CACNA2D1: variants seen among roughly 807,000 people sequenced by gnomAD.
The protein encoded by CACNA2D1 is calcium voltage-gated channel auxiliary subunit alpha2delta 1, also known as voltage-dependent calcium channel subunit alpha-2/delta-1.
In CACNA2D1, 53 loss-of-function variants were observed where a neutral mutation model predicts 171.5. That is an observed-to-expected ratio of 0.31 (90% CI 0.25 to 0.39). The LOEUF (loss-of-function observed/expected upper bound fraction) is 0.39, where lower values mean the gene tolerates loss of function less well. Among genes scored for constraint, CACNA2D1 ranks in the 10% least tolerant of loss-of-function variants. The pLI, the probability that CACNA2D1 is intolerant of heterozygous loss-of-function variation, is 1.00. For synonymous variants in CACNA2D1, 442 were observed against 443.1 expected, an observed-to-expected ratio of 1.00 and a Z score of 0.03; for missense variants, 903 against 1,299.8, an observed-to-expected ratio of 0.69 and a Z score of 4.69.
At chr7:81,968,781 T>C (rs916819441) in intron 29 of CACNA2D1, 106 bp downstream of exon 29, 1 of 733,540 alleles carries the variant, frequency 1.4e-6, no homozygotes, top group Non-Finnish European at 2.5e-6. Flanking sequence ...TTTATTTTGT[T>C]TGACACCTTT....
At chr7:82,321,898 G>A (rs1201586565) in intron 3 of CACNA2D1, among the ~76,000 whole-genome samples, 3 of 151,476 alleles carry the variant, frequency 2.0e-5, no homozygotes, top group East Asian at 1.9e-4. Context: ...AGGCCGAGGC[G>A]GGCGGATCAC....
chr7:82,160,850 A>T (rs1794877717), intron 4 of CACNA2D1, among the ~76,000 whole-genome samples: 2 of 152,218 alleles, frequency 1.3e-5, no homozygotes, highest in South Asian at 4.1e-4. Context: ...ACTGACTAAA[A>T]ATCTTATTTG....
intron 5 of CACNA2D1, 68 bp from the exon 6 acceptor site, chr7:82,117,241 T>C (rs1165470737): frequency 6.9e-7 from 1 of 1,452,562 alleles, no homozygotes; most frequent in African/African-American, 1.4e-5. Flanking sequence ...CATGCACTTC[T>C]TTACTTGCCA....
intron 1 of CACNA2D1, among the ~76,000 whole-genome samples, chr7:82,417,558 G>A (rs568951068): frequency 1.2e-4 from 19 of 152,236 alleles, no homozygotes; most frequent in Middle Eastern, 3.4e-3. Flanking sequence ...CACTGGCCAC[G>A]GAAACATGTA....
chr7:81,976,357 G>A (rs1210399046), intron 24 of CACNA2D1, among the ~76,000 whole-genome samples: 1 of 152,072 alleles, frequency 6.6e-6, no homozygotes, highest in African/African-American at 2.4e-5. Context: ...TCATGATATT[G>A]ATCTTCCTAT....
At chr7:82,402,780 T>C (rs1441644830) in intron 1 of CACNA2D1, among the ~76,000 whole-genome samples, 1 of 151,164 alleles carries the variant, frequency 6.6e-6, no homozygotes, top group East Asian at 2.0e-4. Flanking sequence ...AATATTATCC[T>C]TTAAACAAGT....
chr7:82,188,317 G>A (rs1446372803), intron 3 of CACNA2D1, among the ~76,000 whole-genome samples: 1 of 152,058 alleles, frequency 6.6e-6, no homozygotes, highest in Non-Finnish European at 1.5e-5. Flanking sequence ...AGCAAAAAAG[G>A]AATTTAGCAG....
intron 5 of CACNA2D1, among the ~76,000 whole-genome samples, chr7:82,134,781 T>C (rs562033500): frequency 1.4e-4 from 22 of 152,242 alleles, no homozygotes; most frequent in East Asian, 7.7e-4. Flanking sequence ...TTTAAACATT[T>C]GAATGAACAT....
chr7:82,344,224 T>C (rs1047941413), intron 2 of CACNA2D1, among the ~76,000 whole-genome samples: 1 of 152,082 alleles, frequency 6.6e-6, no homozygotes, highest in Non-Finnish European at 1.5e-5. Flanking sequence ...AGTATTTCCA[T>C]ACCATCCCAT....
At chr7:82,323,513 C>A (rs888007017) in intron 3 of CACNA2D1, among the ~76,000 whole-genome samples, 2 of 152,148 alleles carry the variant, frequency 1.3e-5, no homozygotes, top group Admixed American at 6.6e-5. Flanking sequence ...TGCAGTCAGA[C>A]GAGGCTGACT....
At chr7:82,306,680 C>T (rs946148241) in intron 3 of CACNA2D1, among the ~76,000 whole-genome samples, 6 of 152,118 alleles carry the variant, frequency 3.9e-5, no homozygotes, top group East Asian at 1.9e-4. Flanking sequence ...GATCATGAGG[C>T]CTGCATCTTC....
intron 10 of CACNA2D1, among the ~76,000 whole-genome samples, chr7:82,040,923 C>A (rs1803883975): frequency 6.6e-6 from 1 of 151,922 alleles, no homozygotes; most frequent in Non-Finnish European, 1.5e-5. Context: ...TGCAGTGAGC[C>A]AAGATCACGC....
rs1426816397 is a variant in CACNA2D1, at chr7:82,038,239, CAA to C, written c.880-6_880-5del. 1 of 1,609,854 alleles carries C rather than the reference CAA, an allele frequency of 6.2e-7. No individual in the cohort carries two copies. The highest frequency in any genetic ancestry group is 8.5e-7 in the Non-Finnish European group (1 of 1,177,202). On this transcript the variant is annotated splice_polypyrimidine_tract_variant and splice_region_variant and intron_variant, in intron 10 of 38. Coordinates refer to ENST00000356860, the MANE Select transcript of CACNA2D1 (RefSeq NM_000722.4). Reference sequence around the variant, plus strand: ...CATCCTGAGCATTGCTGTTAAACTGCAAAAGATTAAAAAGTAAATATATAAAT... The same window carrying C: ...CATCCTGAGCATTGCTGTTAAACTGCAAGATTAAAAAGTAAATATATAAAT...
chr7:82,340,821 G>A (rs970083583), intron 2 of CACNA2D1, among the ~76,000 whole-genome samples: 4 of 151,992 alleles, frequency 2.6e-5, no homozygotes, highest in African/African-American at 9.7e-5. Flanking sequence ...TAGACAAACT[G>A]GATAAATAAA....
rs537898691 is a variant in CACNA2D1 at position 82,094,105 on chromosome 7, C to A, written c.527-9205G>T. Among the ~76,000 whole-genome samples the A allele has an allele frequency of 2.0e-5, 3 of 152,200 alleles. No individual in the cohort carries two copies. In the East Asian group the frequency reaches 5.8e-4, roughly 29 times the overall value. On this transcript the variant is annotated intron_variant, in intron 6 of 38. Coordinates refer to ENST00000356860, the MANE Select transcript of CACNA2D1 (RefSeq NM_000722.4). ...TTGGTACTCAAGGGTTTGTGTCAACCAGTTTTAGAGCAAAGAGTTGCCTGG... is the reference window on the plus strand; with the variant it reads ...TTGGTACTCAAGGGTTTGTGTCAACAAGTTTTAGAGCAAAGAGTTGCCTGG...
intron 8 of CACNA2D1, 91 bp from the exon 9 acceptor site, chr7:82,064,445 GT>G (rs948366878): frequency 4.1e-5 from 39 of 955,582 alleles, no homozygotes; most frequent in African/African-American, 6.5e-5. Context: ...CTGAGACAAG[GT>G]TTTTTTCCCC....
intron 3 of CACNA2D1, among the ~76,000 whole-genome samples, chr7:82,325,326 T>C (rs1313081801): frequency 1.3e-5 from 2 of 152,192 alleles, no homozygotes; most frequent in African/African-American, 4.8e-5. Flanking sequence ...TATGTCTGAA[T>C]TTTATTCGGT....
chr7:82,406,637 T>C (rs991680277), intron 1 of CACNA2D1, among the ~76,000 whole-genome samples: 1 of 152,230 alleles, frequency 6.6e-6, no homozygotes, highest in Non-Finnish European at 1.5e-5. Context: ...ATTTCTTTAA[T>C]GGCCAGTGAT....
At chr7:82,180,171 G>A (rs1008326269) in intron 3 of CACNA2D1, among the ~76,000 whole-genome samples, 2 of 152,152 alleles carry the variant, frequency 1.3e-5, no homozygotes, top group African/African-American at 2.4e-5. Flanking sequence ...TATAGAGATA[G>A]TGTCTCCCTC....
Sources: gnomAD v4.1 joint callset for allele counts (sites outside exome capture counted in the v4.1 genomes callset) on GRCh38, gnomAD v4.1.1 for gene constraint, MANE v1.5 for transcripts, NCBI Gene and HGNC (gene_info 2026-07-23, HGNC 2026-07-21) for gene names.